The following SRGAP1 variants were observed in gnomAD, a reference collection of about 807,000 sequenced individuals.
The protein encoded by SRGAP1 is SLIT-ROBO Rho GTPase activating protein 1.
SRGAP1 carries 43 observed loss-of-function variants against 121.9 expected under a neutral mutation model. The ratio of observed to expected loss-of-function variants is 0.35; its 90% CI spans 0.28 to 0.46. The LOEUF (loss-of-function observed/expected upper bound fraction) is 0.46. Among genes scored for constraint, SRGAP1 ranks in the 20% least tolerant of loss-of-function variants. SRGAP1 has a pLI of 1.00. For synonymous variants in SRGAP1, 447 were observed against 485.4 expected, an observed-to-expected ratio of 0.92 and a Z score of 1.04; for missense variants, 1,102 against 1,350.9, an observed-to-expected ratio of 0.82 and a Z score of 2.89.
In SRGAP1 at chr12:64,091,222, T is replaced by G. The variant is rs551124175; in HGVS notation, c.1437-54T>G. The G allele has an allele frequency of 1.3e-4, 172 of 1,317,120 alleles. No individual in the cohort carries two copies. In the African/African-American group the frequency reaches 2.3e-3, roughly 17 times the overall value. 81.6% of individuals were successfully genotyped at this position (1,317,120 alleles called of 1,614,324 possible). A position where few individuals can be genotyped will look rare whatever the true frequency, so the allele number is the denominator to read the frequency against. ...TAATATTGATGTGACCTATAGATGTTTCATTTATTGTTTGATTTCTGCCAT... is the reference window on the plus strand; with the variant it reads ...TAATATTGATGTGACCTATAGATGTGTCATTTATTGTTTGATTTCTGCCAT... On this transcript the variant is annotated intron_variant, in intron 11 of 21. Transcript: ENST00000355086.
chr12:64,062,612 G>T (rs1268163782), intron 6 of SRGAP1, among the ~76,000 whole-genome samples: 2 of 151,946 alleles, frequency 1.3e-5, no homozygotes, highest in East Asian at 1.9e-4. Flanking sequence ...CAACTCCCAG[G>T]TTCAGGCAAT....
intron 1 of SRGAP1, among the ~76,000 whole-genome samples, chr12:63,969,307 A>G: frequency 6.6e-6 from 1 of 151,292 alleles, no homozygotes; most frequent in East Asian, 1.9e-4. Context: ...TTCATGACTG[A>G]TTTTGATTGC....
At chr12:64,141,929 C>G (rs116059707) in intron 21 of SRGAP1, among the ~76,000 whole-genome samples, 175 of 152,166 alleles carry the variant, frequency 1.2e-3, no homozygotes, top group African/African-American at 4.0e-3. Flanking sequence ...AGGTCGAGGC[C>G]GTAGTGAGCT....
intron 3 of SRGAP1, among the ~76,000 whole-genome samples, chr12:63,994,626 T>C (rs1427165002): frequency 6.6e-6 from 1 of 152,212 alleles, no homozygotes; most frequent in East Asian, 1.9e-4. Flanking sequence ...ATTCCAGACC[T>C]TCTACTAGAT....
intron 1 of SRGAP1, among the ~76,000 whole-genome samples, chr12:63,939,773 G>A (rs888375045): frequency 6.6e-5 from 10 of 152,056 alleles, no homozygotes; most frequent in Admixed American, 5.9e-4. Flanking sequence ...TCTCTAATTA[G>A]GATAAACACC....
At chr12:64,080,747 C>T (rs1020731494) in intron 10 of SRGAP1, 59 of 281,998 alleles carry the variant, frequency 2.1e-4, no homozygotes, top group African/African-American at 1.2e-3. Context: ...TCCAACCCCA[C>T]CCCTGTTTGT....
At chr12:64,115,488 G>T (rs1047390251) in intron 17 of SRGAP1, among the ~76,000 whole-genome samples, 1 of 152,186 alleles carries the variant, frequency 6.6e-6, no homozygotes, top group Non-Finnish European at 1.5e-5. Context: ...GGCTGGGCAT[G>T]GTGGCTCACA....
At chr12:64,044,674 CTTTTTTTTTTTTTTTT>C (rs558248193) in intron 6 of SRGAP1, among the ~76,000 whole-genome samples, 2 of 72,124 alleles carry the variant, frequency 2.8e-5, no homozygotes, top group East Asian at 6.9e-4. Context: ...TGATGTGCCT[CTTTTTTTTTTTTTTTT>C]TTTTTTTTTA....
intron 1 of SRGAP1, among the ~76,000 whole-genome samples, chr12:63,846,840 T>C (rs1565918426): frequency 6.6e-6 from 1 of 152,190 alleles, no homozygotes; most frequent in African/African-American, 2.4e-5. Flanking sequence ...AGTCAGATCA[T>C]ATACGCATTA....
intron 1 of SRGAP1, among the ~76,000 whole-genome samples, chr12:63,882,974 C>G (rs1023164525): frequency 2.6e-5 from 4 of 151,886 alleles, no homozygotes; most frequent in Non-Finnish European, 5.9e-5. Flanking sequence ...GTCTCTGAAG[C>G]GTATGAGGAG....
intron 4 of SRGAP1, among the ~76,000 whole-genome samples, chr12:64,026,781 G>A (rs1047447637): frequency 2.7e-4 from 41 of 151,658 alleles, no homozygotes; most frequent in African/African-American, 9.0e-4. Flanking sequence ...CGGGAGAATC[G>A]CTTGAACCCA....
At chr12:64,011,921 G>A (rs918828564) in intron 3 of SRGAP1, among the ~76,000 whole-genome samples, 5 of 152,058 alleles carry the variant, frequency 3.3e-5, no homozygotes, top group Admixed American at 3.3e-4. Flanking sequence ...GGGCAACATG[G>A]CAAAACCCTC....
intron 4 of SRGAP1, among the ~76,000 whole-genome samples, chr12:64,030,787 A>G (rs1311242872): frequency 6.6e-6 from 1 of 152,200 alleles, no homozygotes; most frequent in Non-Finnish European, 1.5e-5. Flanking sequence ...ATATCCCTGT[A>G]TAAGGTTCAT....
intron 1 of SRGAP1, among the ~76,000 whole-genome samples, chr12:63,916,856 C>G (rs2030803104): frequency 6.6e-6 from 1 of 152,172 alleles, no homozygotes; most frequent in African/African-American, 2.4e-5. Context: ...GCTCCACCCT[C>G]TATCCATTTA....
At chr12:64,014,779 GTTA>G (rs1565639806) in intron 3 of SRGAP1, among the ~76,000 whole-genome samples, 1 of 144,788 alleles carries the variant, frequency 6.9e-6, no homozygotes, top group African/African-American at 2.6e-5. Context: ...TGTTGTTGTT[GTTA>G]TTGTTCTGAA....
intron 3 of SRGAP1, among the ~76,000 whole-genome samples, chr12:63,992,541 G>A (rs1240547167): frequency 6.6e-6 from 1 of 152,084 alleles, no homozygotes; most frequent in African/African-American, 2.4e-5. Flanking sequence ...CCCTTTGGTG[G>A]AGGGTAATTC....
intron 1 of SRGAP1, among the ~76,000 whole-genome samples, chr12:63,967,514 G>T (rs1160432712): frequency 6.6e-6 from 1 of 152,216 alleles, no homozygotes; most frequent in Non-Finnish European, 1.5e-5. Flanking sequence ...CATTTTTGTT[G>T]AACCAGTGGA....
At chr12:64,103,950 C>T (rs2036299142) in intron 15 of SRGAP1, among the ~76,000 whole-genome samples, 1 of 152,174 alleles carries the variant, frequency 6.6e-6, no homozygotes. Context: ...TGAATGCCAG[C>T]TGTTAGGCTA....
At chr12:64,033,319 T>A (rs1247930847) in intron 4 of SRGAP1, among the ~76,000 whole-genome samples, 1 of 152,184 alleles carries the variant, frequency 6.6e-6, no homozygotes, top group East Asian at 1.9e-4. Flanking sequence ...GCTGATTTCA[T>A]TTCAGTGGAG....
Sources: gnomAD v4.1 joint callset for allele counts (sites outside exome capture counted in the v4.1 genomes callset) on GRCh38, gnomAD v4.1.1 for gene constraint, MANE v1.5 for transcripts, NCBI Gene and HGNC (gene_info 2026-07-23, HGNC 2026-07-21) for gene names.